Variants in RYR3 observed in about 807,000 individuals in gnomAD.
RYR3 encodes the protein ryanodine receptor 3.
Under a neutral mutation model 584.3 loss-of-function variants are expected in RYR3, and 207 were observed. The observed-to-expected ratio is 0.35, with a 90% CI of 0.32 to 0.40. The LOEUF (loss-of-function observed/expected upper bound fraction) is 0.40, where lower values mean the gene tolerates loss of function less well. Among genes scored for constraint, RYR3 ranks in the 10% least tolerant of loss-of-function variants. The probability of loss-of-function intolerance (pLI) is 1.00; values close to 1 mark genes in which losing one functional copy is unlikely to be tolerated. For missense variants in RYR3, 5,616 were observed against 6,089.2 expected (o/e 0.92, Z 2.59); for synonymous variants, 2,416 against 2,248.5 (o/e 1.07, Z -2.11).
intron 2 of RYR3, among the ~76,000 whole-genome samples, chr15:33,484,364 T>C (rs1385775152): frequency 6.6e-6 from 1 of 152,178 alleles, no homozygotes; most frequent in Admixed American, 6.5e-5. Context: ...GATAGAACTT[T>C]CTTTGGCATA....
rs529688571 is a variant in RYR3 at position 33,668,705 on chromosome 15, A to G, written c.5620-649A>G. Among the ~76,000 whole-genome samples the G allele has an allele frequency of 1.3e-5, 2 of 152,304 alleles. 1 individual carries two copies. Among genetic ancestry groups the G allele is most frequent in the South Asian group, 4.1e-4 (2 of 4,830 alleles). On this transcript the variant is annotated intron_variant, in intron 36 of 103. Coordinates refer to ENST00000634891, the MANE Select transcript of RYR3 (RefSeq NM_001036.6). ...CTTGTATAAACTTGTTAATAATGCA[A>G]ATTGTAAGCTTTCTGAAGGGCAATT...
At chr15:33,772,615 G>A (rs7164098) in intron 63 of RYR3, among the ~76,000 whole-genome samples, 58,116 of 151,964 alleles carry the variant, frequency 0.38, 11,339 homozygotes, top group South Asian at 0.47. Flanking sequence ...AAAGTTGGTT[G>A]GTTTTATTTT....
chr15:33,625,893 A>C (rs1467745167), intron 20 of RYR3, among the ~76,000 whole-genome samples: 1 of 152,206 alleles, frequency 6.6e-6, no homozygotes, highest in Admixed American at 6.5e-5. Context: ...AGATAAGAGG[A>C]GTCCAGAAAA....
chr15:33,641,406 T>C (rs1208916545), intron 27 of RYR3, among the ~76,000 whole-genome samples: 1 of 152,222 alleles, frequency 6.6e-6, no homozygotes, highest in Non-Finnish European at 1.5e-5. Context: ...TGGTAAATAT[T>C]TGCTATTGTG....
intron 3 of RYR3, among the ~76,000 whole-genome samples, chr15:33,530,185 T>A (rs1309615234): frequency 6.6e-6 from 1 of 152,246 alleles, no homozygotes; most frequent in Non-Finnish European, 1.5e-5. Flanking sequence ...AATGTGACCA[T>A]GTGCCGCCTG....
At chr15:33,761,256 A>G (rs574121232) in intron 60 of RYR3, among the ~76,000 whole-genome samples, 1 of 152,336 alleles carries the variant, frequency 6.6e-6, no homozygotes, top group South Asian at 2.1e-4. Flanking sequence ...CTAAGATCAG[A>G]GCAGAAATGA....
intron 4 of RYR3, among the ~76,000 whole-genome samples, chr15:33,532,813 T>G (rs1388746220): frequency 6.6e-6 from 1 of 152,144 alleles, no homozygotes; most frequent in Non-Finnish European, 1.5e-5. Flanking sequence ...AGGTTTTAAG[T>G]GTATTGTAAA....
At chr15:33,537,973 TTTTTC>T (rs148519186) in intron 5 of RYR3, among the ~76,000 whole-genome samples, 254 of 152,126 alleles carry the variant, frequency 1.7e-3, no homozygotes, top group East Asian at 6.7e-3. Context: ...TCCCACCACC[TTTTTC>T]TTTTCTTTTC....
chr15:33,646,572 T>C (rs752637965), intron 29 of RYR3, 46 bp downstream of exon 29: 8 of 1,528,308 alleles, frequency 5.2e-6, no homozygotes, highest in South Asian at 2.4e-5. Flanking sequence ...TTGTATCTCC[T>C]GTAAAGTGGG....
intron 40 of RYR3, 142 bp downstream of exon 40, chr15:33,698,138 G>A (rs1317627776): frequency 9.4e-6 from 6 of 641,430 alleles, no homozygotes; most frequent in Non-Finnish European, 1.7e-5. Context: ...TGCCAAGAAG[G>A]AGCCAAGCGA....
intron 57 of RYR3, 88 bp downstream of exon 57, chr15:33,750,374 G>T: frequency 7.5e-7 from 1 of 1,338,552 alleles, no homozygotes; most frequent in Non-Finnish European, 1.0e-6. Flanking sequence ...ATCCAAGTAA[G>T]GAGAACAATT....
chr15:33,397,874 G>A (rs1443591155), intron 1 of RYR3, among the ~76,000 whole-genome samples: 2 of 152,018 alleles, frequency 1.3e-5, no homozygotes, highest in Non-Finnish European at 1.5e-5. Flanking sequence ...CAGAAGAGGG[G>A]GGTGTAATGA....
chr15:33,672,223 T>C (rs2063891611), intron 38 of RYR3, among the ~76,000 whole-genome samples: 1 of 152,134 alleles, frequency 6.6e-6, no homozygotes, highest in South Asian at 2.1e-4. Context: ...TGAAGTCACT[T>C]GTCACCTGCC....
At chr15:33,558,177 A>T (rs547554271) in intron 10 of RYR3, among the ~76,000 whole-genome samples, 21 of 152,166 alleles carry the variant, frequency 1.4e-4, no homozygotes, top group Non-Finnish European at 2.8e-4. Context: ...TACACTTGCT[A>T]TGTTGGTGTG....
chr15:33,811,988 T>C (rs1460571765), intron 72 of RYR3, among the ~76,000 whole-genome samples: 1 of 151,266 alleles, frequency 6.6e-6, no homozygotes, highest in African/African-American at 2.4e-5. Flanking sequence ...GTGGATAAAA[T>C]ATACTAGGAA....
At chr15:33,434,358 G>C (rs541261446) in intron 1 of RYR3, among the ~76,000 whole-genome samples, 1 of 152,204 alleles carries the variant, frequency 6.6e-6, no homozygotes, top group South Asian at 2.1e-4. Flanking sequence ...GTTTGTATTA[G>C]CTGCAAGAGG....
At chr15:33,805,670 G>C (rs565179763) in intron 69 of RYR3, among the ~76,000 whole-genome samples, 76 of 151,576 alleles carry the variant, frequency 5.0e-4, no homozygotes, top group Admixed American at 2.9e-3. Flanking sequence ...GTAGAGACAG[G>C]GTTTCACTGT....
intron 60 of RYR3, among the ~76,000 whole-genome samples, chr15:33,760,237 A>C (rs1426758208): frequency 6.6e-6 from 1 of 152,238 alleles, no homozygotes; most frequent in Non-Finnish European, 1.5e-5. Flanking sequence ...ACTAATGGGC[A>C]AAATAACCCG....
At position 33,794,335 on chromosome 15, in the gene RYR3, T is replaced by TAACATA. The variant is rs1182416961; in HGVS notation, c.9830+5877_9830+5878insAACATA. Among the ~76,000 whole-genome samples, 9 of 30,110 alleles carry TAACATA rather than the reference T, an allele frequency of 3.0e-4. No individual in the cohort carries two copies. The South Asian group carries it at 0.017, about 58-fold the overall frequency. The allele number at this position is 30,110 out of a possible 152,430, so 19.8% of individuals were successfully genotyped here. ...TATATATATATATTTTTATATATGTTTATATATATAAAAATATATATATAT... is the reference window on the plus strand; with the variant it reads ...TATATATATATATTTTTATATATGTTAACATATATATATATAAAAATATATATATAT... On this transcript the variant is annotated intron_variant, in intron 67 of 103. Coordinates refer to ENST00000634891, the MANE Select transcript of RYR3 (RefSeq NM_001036.6).
Sources: allele counts gnomAD v4.1 joint callset (sites outside exome capture counted in the v4.1 genomes callset), GRCh38; gene constraint gnomAD v4.1.1; transcripts MANE v1.5; gene names NCBI Gene and HGNC (gene_info 2026-07-23, HGNC 2026-07-21).